The following DMD variants were observed in gnomAD, a reference collection of about 807,000 sequenced individuals.
DMD encodes the protein dystrophin.
A neutral mutation model predicts 330.1 loss-of-function variants in DMD; 63 were observed. That is an observed-to-expected ratio of 0.19 (90% CI 0.16 to 0.24). The LOEUF (loss-of-function observed/expected upper bound fraction) is 0.24, where lower values mean the gene tolerates loss of function less well. DMD is among the 10% of genes least tolerant of loss of function. The pLI is 1.00. For synonymous variants in DMD, 1,223 were observed against 959.8 expected, an observed-to-expected ratio of 1.27 and a Z score of -5.07; for missense variants, 3,344 against 2,684.1, an observed-to-expected ratio of 1.25 and a Z score of -5.43.
intron 43 of DMD, among the ~76,000 whole-genome samples, chrX:32,236,568 T>C (rs2097188688): frequency 9.0e-6 from 1 of 111,520 alleles, no homozygotes; most frequent in Admixed American, 9.5e-5. Flanking sequence ...GTCCTTCCCA[T>C]GCTGTTCTCG....
intron 7 of DMD, among the ~76,000 whole-genome samples, chrX:32,707,098 G>T (rs1337901148): frequency 1.0e-5 from 1 of 99,781 alleles, no homozygotes; most frequent in Non-Finnish European, 1.9e-5. Context: ...TCTCGGAGGG[G>T]GTAAAAAAAA....
At chrX:31,511,131 C>T (rs73212384) in intron 55 of DMD, among the ~76,000 whole-genome samples, 11,713 of 109,677 alleles carry the variant, frequency 0.11, 681 homozygotes, top group Admixed American at 0.19. Context: ...ACCCAAGGCT[C>T]TCTTTCAAAA....
chrX:33,307,838 A>T (rs1318861872), intron 1 of DMD, among the ~76,000 whole-genome samples: 6 of 111,458 alleles, frequency 5.4e-5, no homozygotes, highest in Non-Finnish European at 1.1e-4. Flanking sequence ...TAAAAATAAG[A>T]AGAAAAATAT....
At chrX:32,673,492 A>G (rs183340531) in intron 9 of DMD, among the ~76,000 whole-genome samples, 1 of 111,888 alleles carries the variant, frequency 8.9e-6, no homozygotes, top group East Asian at 2.8e-4. Flanking sequence ...TGTGGCTTAT[A>G]ACGTGAACGC....
chrX:32,418,605 A>G (rs1030201400), intron 29 of DMD, among the ~76,000 whole-genome samples: 2 of 111,230 alleles, frequency 1.8e-5, no homozygotes, highest in African/African-American at 6.6e-5. Flanking sequence ...TAAATTCCTG[A>G]AGCATAATTC....
intron 61 of DMD, among the ~76,000 whole-genome samples, chrX:31,327,547 G>A (rs766398569): frequency 8.9e-6 from 1 of 112,129 alleles, no homozygotes; most frequent in Non-Finnish European, 1.9e-5. Flanking sequence ...TGCCAAAAGA[G>A]CACTTTCTGG....
intron 44 of DMD, among the ~76,000 whole-genome samples, chrX:32,135,670 T>A (rs192377925): frequency 8.9e-6 from 1 of 112,485 alleles, no homozygotes; most frequent in African/African-American, 3.2e-5. Context: ...CAGTGAGCCA[T>A]GAATGCACCA....
chrX:32,819,779 G>A (rs991896450), intron 5 of DMD, among the ~76,000 whole-genome samples: 1 of 104,338 alleles, frequency 9.6e-6, no homozygotes, highest in Non-Finnish European at 1.9e-5. Context: ...TGACCAAAAT[G>A]TCCTTTAATC....
intron 16 of DMD, among the ~76,000 whole-genome samples, chrX:32,548,869 C>T (rs1413575480): frequency 5.4e-5 from 6 of 111,163 alleles, no homozygotes; most frequent in African/African-American, 1.6e-4. Flanking sequence ...ATAAGAATAA[C>T]GTAGTGCCTT....
At chrX:32,836,198 ATTTTTT>A (rs200071842) in intron 4 of DMD, among the ~76,000 whole-genome samples, 1 of 101,758 alleles carries the variant, frequency 9.8e-6, no homozygotes, top group African/African-American at 3.5e-5. Flanking sequence ...CACCCGTCTA[ATTTTTT>A]TTTTTTTAGT....
intron 44 of DMD, among the ~76,000 whole-genome samples, chrX:32,111,555 C>G (rs2096589479): frequency 1.8e-5 from 2 of 111,941 alleles, no homozygotes; most frequent in African/African-American, 6.5e-5. Context: ...ATTTGTGATA[C>G]ACCAGGTTCC....
chrX:32,265,164 C>T (rs890775797), intron 43 of DMD, among the ~76,000 whole-genome samples: 20 of 111,708 alleles, frequency 1.8e-4, no homozygotes, highest in African/African-American at 3.9e-4. Context: ...TTTCCTGGGC[C>T]GGGCCCAGAG....
At chrX:33,134,797 G>C (rs1274599635) in intron 1 of DMD, among the ~76,000 whole-genome samples, 2 of 111,514 alleles carry the variant, frequency 1.8e-5, no homozygotes, top group East Asian at 5.6e-4. Context: ...ACAACTACGT[G>C]GTAAGCCCAT....
chrX:31,678,654 G>C (rs149861033), intron 53 of DMD, among the ~76,000 whole-genome samples: 1 of 111,174 alleles, frequency 9.0e-6, no homozygotes, highest in Non-Finnish European at 1.9e-5. Flanking sequence ...GGGAGAAAGT[G>C]AGAGTACTCC....
chrX:31,175,499 T>C (rs2040419657), intron 71 of DMD, among the ~76,000 whole-genome samples: 1 of 110,736 alleles, frequency 9.0e-6, no homozygotes, highest in Admixed American at 9.6e-5. Flanking sequence ...TCTTAAAAAA[T>C]ATACACTAAA....
At chrX:31,784,251 G>A (rs1375055397) in intron 50 of DMD, among the ~76,000 whole-genome samples, 4 of 111,523 alleles carry the variant, frequency 3.6e-5, no homozygotes, top group Admixed American at 9.6e-5. Flanking sequence ...ACTCAACATC[G>A]TCAATCATCG....
At chrX:32,361,565 A>G (rs928537979) in intron 37 of DMD, among the ~76,000 whole-genome samples, 1 of 111,790 alleles carries the variant, frequency 8.9e-6, no homozygotes, top group African/African-American at 3.2e-5. Flanking sequence ...TTGAAGGGTA[A>G]CTGTGTCTCA....
At chrX:31,508,517 T>C (rs937721108) in intron 55 of DMD, 1 of 207,345 alleles carries the variant, frequency 4.8e-6, no homozygotes, top group African/African-American at 2.9e-5. Flanking sequence ...ACTTTTCTTA[T>C]CATTCTGCCA....
At chrX:31,212,207 T>C (rs2044798470) in intron 64 of DMD, among the ~76,000 whole-genome samples, 1 of 107,303 alleles carries the variant, frequency 9.3e-6, no homozygotes, top group African/African-American at 3.4e-5. Context: ...TGTGTTTGTG[T>C]GTATTCACTA....
Sources: gnomAD v4.1 joint callset for allele counts (sites outside exome capture counted in the v4.1 genomes callset) on GRCh38, gnomAD v4.1.1 for gene constraint, MANE v1.5 for transcripts, NCBI Gene and HGNC (gene_info 2026-07-23, HGNC 2026-07-21) for gene names.